APBA1: variants seen among roughly 807,000 people sequenced by gnomAD.
APBA1 encodes the protein amyloid-beta A4 precursor protein-binding family A member 1.
Under a neutral mutation model 86.6 loss-of-function variants are expected in APBA1, and 55 were observed. The ratio of observed to expected loss-of-function variants is 0.64; its 90% CI spans 0.51 to 0.80. APBA1 has a LOEUF of 0.80. APBA1 is among the 30% of genes least tolerant of loss of function. The pLI, the probability that APBA1 is intolerant of heterozygous loss-of-function variation, is 0.00. For synonymous variants in APBA1, 511 were observed against 493.9 expected, an observed-to-expected ratio of 1.03 and a Z score of -0.46; for missense variants, 1,090 against 1,183.0, an observed-to-expected ratio of 0.92 and a Z score of 1.15.
At chr9:69,618,217 A>G (rs981405454) in intron 1 of APBA1, among the ~76,000 whole-genome samples, 1 of 152,184 alleles carries the variant, frequency 6.6e-6, no homozygotes, top group Non-Finnish European at 1.5e-5. Flanking sequence ...AACACACACA[A>G]TAGACACTAA....
At chr9:69,458,336 C>G (rs1835134122) in intron 5 of APBA1, 148 bp from the exon 6 acceptor site, 1 of 589,226 alleles carries the variant, frequency 1.7e-6, no homozygotes, top group Admixed American at 3.5e-5. Context: ...AAATCCCAGT[C>G]TAAAGATAAT....
intron 1 of APBA1, among the ~76,000 whole-genome samples, chr9:69,562,240 A>G (rs1244338581): frequency 6.6e-6 from 1 of 152,228 alleles, no homozygotes; most frequent in Non-Finnish European, 1.5e-5. Flanking sequence ...ATCAACAACA[A>G]TAACAAAAGA....
intron 3 of APBA1, among the ~76,000 whole-genome samples, chr9:69,473,307 A>G (rs1312618201): frequency 1.3e-5 from 2 of 152,226 alleles, no homozygotes; most frequent in Non-Finnish European, 2.9e-5. Flanking sequence ...AAGAAAAGAA[A>G]AAAACCCTCA....
intron 1 of APBA1, among the ~76,000 whole-genome samples, chr9:69,521,872 A>T (rs1011330130): frequency 6.6e-6 from 1 of 151,956 alleles, no homozygotes; most frequent in Non-Finnish European, 1.5e-5. Context: ...AGAGATGGAA[A>T]GGGGCTGAGT....
At position 69,431,331 on chromosome 9, in the gene APBA1, A is replaced by C; in HGVS notation, c.2510T>G (p.Ile837Ser). ...TGCCACCGCGTGTGGCCGCGGTCAGATGTAAACAGGCTGCTCCTGGGCCGT... is the reference window on the plus strand; with the variant it reads ...TGCCACCGCGTGTGGCCGCGGTCAGCTGTAAACAGGCTGCTCCTGGGCCGT... ...LLTAQEQPVY[I>S] The change falls in exon 13 of 13, where the codon ATC becomes AGC. Residue 837 changes from isoleucine (I) to serine (S), a missense_variant. This residue lies in a region of APBA1 where 17 missense variants were observed against 30.3 expected (regional missense o/e 0.56). Transcript: ENST00000265381. 1 of 1,610,576 alleles carries C rather than the reference A, an allele frequency of 6.2e-7. No individual in the cohort carries two copies.
chr9:69,482,241 T>A (rs1443261759), intron 2 of APBA1, among the ~76,000 whole-genome samples: 4 of 150,840 alleles, frequency 2.7e-5, no homozygotes, highest in Admixed American at 6.6e-5. Flanking sequence ...AGGGCTAATA[T>A]TCAGAATCTA....
intron 4 of APBA1, among the ~76,000 whole-genome samples, chr9:69,469,255 C>T (rs1280970431): frequency 6.6e-6 from 1 of 152,112 alleles, no homozygotes; most frequent in Admixed American, 6.5e-5. Context: ...AATTAGGTAA[C>T]TTGTAATGGA....
intron 2 of APBA1, among the ~76,000 whole-genome samples, chr9:69,493,149 G>A (rs537064397): frequency 1.3e-5 from 2 of 152,088 alleles, no homozygotes; most frequent in East Asian, 1.9e-4. Flanking sequence ...AACAAGCCCC[G>A]AACAAGTCAT....
At chr9:69,624,437 T>G (rs1822887572) in intron 1 of APBA1, among the ~76,000 whole-genome samples, 1 of 152,340 alleles carries the variant, frequency 6.6e-6, no homozygotes, top group South Asian at 2.1e-4. Context: ...TTAAAGAAAG[T>G]GCCCACAAAA....
intron 1 of APBA1, among the ~76,000 whole-genome samples, chr9:69,652,782 A>G (rs748061825): frequency 6.6e-6 from 1 of 152,200 alleles, no homozygotes; most frequent in Non-Finnish European, 1.5e-5. Context: ...TAAGGTCAGG[A>G]GATGGAGACC....
In APBA1 at chr9:69,429,834, T is replaced by A. The variant is rs1338952065; in HGVS notation, c.*1493A>T. On this transcript the variant is annotated 3_prime_UTR_variant, in exon 13 of 13. Coordinates refer to ENST00000265381, the MANE Select transcript of APBA1 (RefSeq NM_001163.4). The stretch of plus-strand genomic sequence containing the variant: ...ATATTAATTACAAAATATAATAGTT[T>A]CTCTTCCCCTGTCTCTACTGAGGTC... 1.3e-5 allele frequency: 2 copies of A among 151,772 alleles called. 1 individual carries two copies. Among genetic ancestry groups the A allele is most frequent in the East Asian group, 3.9e-4 (2 of 5,188 alleles). The allele number at this position is 151,772 out of a possible 1,614,324, so 9.4% of individuals were successfully genotyped here. A position where few individuals can be genotyped will look rare whatever the true frequency, so the allele number is the denominator to read the frequency against.
At chr9:69,467,522 A>G (rs1835297905) in intron 5 of APBA1, among the ~76,000 whole-genome samples, 2 of 152,214 alleles carry the variant, frequency 1.3e-5, no homozygotes, top group Admixed American at 6.5e-5. Flanking sequence ...CACTTGAGAC[A>G]TAATACTCAA....
At chr9:69,581,397 A>G (rs1821911097) in intron 1 of APBA1, among the ~76,000 whole-genome samples, 1 of 152,178 alleles carries the variant, frequency 6.6e-6, no homozygotes, top group African/African-American at 2.4e-5. Context: ...GTAGAAAAAA[A>G]AAGAAGTTCT....
At chr9:69,514,086 C>T (rs1836094693) in intron 2 of APBA1, among the ~76,000 whole-genome samples, 1 of 152,232 alleles carries the variant, frequency 6.6e-6, no homozygotes, top group Non-Finnish European at 1.5e-5. Context: ...CAGATTGTGA[C>T]ACCTAAGCTT....
In APBA1 at chr9:69,632,076, T is replaced by TA. The variant is rs533051808; in HGVS notation, c.-70+40076dup. The stretch of plus-strand genomic sequence containing the variant: ...AAATAAAAATAAAAAATAAATACAA[T>TA]AAAAAAATAGAAAAAAGAAAAAGCA... On this transcript the variant is annotated intron_variant, in intron 1 of 12. Coordinates refer to ENST00000265381, the MANE Select transcript of APBA1 (RefSeq NM_001163.4). Among the ~76,000 whole-genome samples the TA allele has an allele frequency of 2.5e-3, 379 of 149,032 alleles. 7 individuals carry two copies. Among genetic ancestry groups the TA allele is most frequent in the Non-Finnish European group, 1.4e-3 (96 of 67,020 alleles).
intron 1 of APBA1, among the ~76,000 whole-genome samples, chr9:69,560,330 C>T (rs1319799789): frequency 6.6e-6 from 1 of 152,042 alleles, no homozygotes; most frequent in Non-Finnish European, 1.5e-5. Context: ...CTTTGTCCAC[C>T]ATGTTTCCAG....
rs1474782767 is a variant in APBA1 at position 69,427,930 on chromosome 9, A to C, written c.*3397T>G. ...AGTTCATACTCTAGGTGCTGTGCTA[A>C]GTATGTACAAGAAATGTCATTCCCA... On this transcript the variant is annotated 3_prime_UTR_variant, in exon 13 of 13. Coordinates refer to ENST00000265381, the MANE Select transcript of APBA1 (RefSeq NM_001163.4). 6.6e-6 allele frequency: 1 copy of C among 152,222 alleles called. No individual in the cohort carries two copies. The highest frequency in any genetic ancestry group is 2.4e-5 in the African/African-American group (1 of 41,448). The allele number at this position is 152,222 out of a possible 1,614,324, so 9.4% of individuals were successfully genotyped here. A position where few individuals can be genotyped will look rare whatever the true frequency, so the allele number is the denominator to read the frequency against.
At position 69,591,137 on chromosome 9, in the gene APBA1, C is replaced by T. The variant is rs372324851; in HGVS notation, c.-69-73858G>A. Among the ~76,000 whole-genome samples the T allele has an allele frequency of 3.3e-5, 5 of 152,158 alleles. No homozygotes were observed. In the East Asian group the frequency reaches 5.8e-4, roughly 18 times the overall value. On this transcript the variant is annotated intron_variant, in intron 1 of 12. Transcript: ENST00000265381. ...GAGAGAGGCACTGCCTATGAGGCCC[C>T]ATTTTTCCAAATGCTTTCAAGGCAG...
intron 1 of APBA1, among the ~76,000 whole-genome samples, chr9:69,615,758 C>T (rs1284464224): frequency 1.3e-5 from 2 of 152,160 alleles, no homozygotes; most frequent in African/African-American, 4.8e-5. Context: ...TTCTAGAATC[C>T]TCCAATCTAA....
Sources: gnomAD v4.1 joint callset for allele counts (sites outside exome capture counted in the v4.1 genomes callset) on GRCh38, gnomAD v4.1.1 for gene constraint, gnomAD v4.1.1 regional missense constraint, MANE v1.5 for transcripts, NCBI Gene and HGNC (gene_info 2026-07-23, HGNC 2026-07-21) for gene names.